ALG14: variants seen among roughly 807,000 people sequenced by gnomAD.
ALG14 encodes ALG14 UDP-N-acetylglucosaminyltransferase subunit, also known as UDP-N-acetylglucosamine transferase subunit ALG14.
Under a neutral mutation model 22.8 loss-of-function variants are expected in ALG14, and 17 were observed. The ratio of observed to expected loss-of-function variants is 0.75; its 90% CI spans 0.51 to 1.12. The LOEUF (loss-of-function observed/expected upper bound fraction) is 1.12. ALG14 is among the 50% of genes most tolerant of loss of function. The pLI is 0.00. For missense variants in ALG14, 288 were observed against 271.8 expected, an observed-to-expected ratio of 1.06 and a Z score of -0.42; for synonymous variants, 89 against 103.7, an observed-to-expected ratio of 0.86 and a Z score of 0.86.
chr1:95,017,678 A>G (rs1673542759), intron 3 of ALG14, among the ~76,000 whole-genome samples: 2 of 152,212 alleles, frequency 1.3e-5, no homozygotes, highest in Admixed American at 1.3e-4. Flanking sequence ...GGGCCATAGA[A>G]GGGCAACCAC....
In ALG14 at chr1:94,982,897, TTTCA is replaced by T; in HGVS notation, c.*175_*178del. On this transcript the variant is annotated 3_prime_UTR_variant, in exon 4 of 4. Coordinates refer to ENST00000370205, the MANE Select transcript of ALG14 (RefSeq NM_144988.4). Reference sequence around the variant, plus strand: ...TAGTAGTTACGTTTATCAATGTTTGTTTCATAAGAGAAGCCTCAGTTTCTTCACT... The same window carrying T: ...TAGTAGTTACGTTTATCAATGTTTGTTAAGAGAAGCCTCAGTTTCTTCACT... 1 of 600,280 alleles carries T rather than the reference TTTCA, an allele frequency of 1.7e-6. No homozygotes were observed. The allele number at this position is 600,280 out of a possible 1,614,324, so 37.2% of individuals were successfully genotyped here. A position where few individuals can be genotyped will look rare whatever the true frequency, so the allele number is the denominator to read the frequency against.
At chr1:95,063,774 T>C (rs536520139) in intron 2 of ALG14, among the ~76,000 whole-genome samples, 33 of 152,220 alleles carry the variant, frequency 2.2e-4, no homozygotes, top group Non-Finnish European at 4.7e-4. Context: ...GGCTCCTTTT[T>C]GGTTCCATAT....
chr1:95,069,821 C>G (rs1675501831), intron 1 of ALG14, among the ~76,000 whole-genome samples: 1 of 152,170 alleles, frequency 6.6e-6, no homozygotes, highest in South Asian at 2.1e-4. Context: ...AAACCAAGAA[C>G]TCCTTCTCCC....
intron 2 of ALG14, among the ~76,000 whole-genome samples, chr1:95,046,132 T>C (rs1186879425): frequency 6.6e-6 from 1 of 152,098 alleles, no homozygotes; most frequent in Non-Finnish European, 1.5e-5. Context: ...TAGTTTGGAA[T>C]ATCTATTACA....
chr1:95,051,967 C>T lies in ALG14; in HGVS notation c.288+12899G>A, dbSNP rs533692884. On this transcript the variant is annotated intron_variant, in intron 2 of 3. Coordinates refer to ENST00000370205, the MANE Select transcript of ALG14 (RefSeq NM_144988.4). Reference sequence around the variant, plus strand: ...TACCTAATTATCTGGTTTATTATCCCGCCACTAGAATGTAGCCTCCATAAG... The same window carrying T: ...TACCTAATTATCTGGTTTATTATCCTGCCACTAGAATGTAGCCTCCATAAG... Among the ~76,000 whole-genome samples the T allele has an allele frequency of 6.6e-5, 10 of 152,248 alleles. No homozygotes were observed. The East Asian group carries it at 1.3e-3, about 21-fold the overall frequency.
intron 3 of ALG14, among the ~76,000 whole-genome samples, chr1:95,020,781 G>A (rs1173886337): frequency 6.6e-6 from 1 of 151,780 alleles, no homozygotes; most frequent in Non-Finnish European, 1.5e-5. Context: ...AACTCTAAGT[G>A]GTTCTACAAC....
intron 2 of ALG14, among the ~76,000 whole-genome samples, chr1:95,041,763 C>T (rs1674388276): frequency 6.6e-6 from 1 of 152,148 alleles, no homozygotes; most frequent in African/African-American, 2.4e-5. Context: ...GTTAGCACCC[C>T]ACCTTGTGGA....
intron 3 of ALG14, among the ~76,000 whole-genome samples, chr1:95,024,262 C>T (rs1463089745): frequency 6.6e-6 from 1 of 152,138 alleles, no homozygotes; most frequent in Non-Finnish European, 1.5e-5. Flanking sequence ...TAGGCATGAG[C>T]GACCGCGCCC....
intron 2 of ALG14, among the ~76,000 whole-genome samples, chr1:95,050,555 A>C (rs941990602): frequency 2.0e-5 from 3 of 152,236 alleles, no homozygotes; most frequent in Non-Finnish European, 2.9e-5. Context: ...ACAAAAATAC[A>C]ATTTAATCTG....
chr1:95,016,493 C>A (rs898875446), intron 3 of ALG14, among the ~76,000 whole-genome samples: 1 of 152,062 alleles, frequency 6.6e-6, no homozygotes, highest in African/African-American at 2.4e-5. Context: ...AGGGAATATG[C>A]AGACACATGC....
intron 3 of ALG14, among the ~76,000 whole-genome samples, chr1:95,006,340 G>A (rs1024737511): frequency 6.6e-6 from 1 of 151,912 alleles, no homozygotes; most frequent in Admixed American, 6.6e-5. Flanking sequence ...TTATATATAG[G>A]TAGGTTCCAT....
intron 1 of ALG14, chr1:95,067,583 T>C (rs1675417564): frequency 6.6e-6 from 1 of 151,926 alleles, no homozygotes; most frequent in African/African-American, 2.4e-5. Context: ...TATTGATACA[T>C]TTTTTTTGAG....
intron 2 of ALG14, among the ~76,000 whole-genome samples, chr1:95,063,145 G>A (rs1675226197): frequency 6.6e-6 from 1 of 151,732 alleles, no homozygotes; most frequent in Non-Finnish European, 1.5e-5. Flanking sequence ...TTTAATAACA[G>A]TTTTTTTCTT....
rs1014109505 is a variant in ALG14, at chr1:95,020,082, G to T, written c.420+7047C>A. Among the ~76,000 whole-genome samples the T allele has an allele frequency of 3.3e-5, 5 of 151,902 alleles. 1 individual carries two copies. Among genetic ancestry groups the T allele is most frequent in the Non-Finnish European group, 7.4e-5 (5 of 67,996 alleles). On this transcript the variant is annotated intron_variant, in intron 3 of 3. Transcript: ENST00000370205. ...AAAATACAAAAGTTAGCTGGGTGTG[G>T]TGTCATGCGTCTATAATCCCGCTAC...
chr1:95,012,534 G>A (rs1673395344), intron 3 of ALG14, among the ~76,000 whole-genome samples: 1 of 152,202 alleles, frequency 6.6e-6, no homozygotes, highest in South Asian at 2.1e-4. Flanking sequence ...CTTCACATCT[G>A]CTACTGAGAA....
At chr1:95,003,356 CAG>C (rs1386647120) in intron 3 of ALG14, among the ~76,000 whole-genome samples, 3 of 151,834 alleles carry the variant, frequency 2.0e-5, no homozygotes, top group Non-Finnish European at 2.9e-5. Flanking sequence ...GTCCAAAACA[CAG>C]GGGTTTGCAG....
chr1:95,053,281 TA>T (rs923853802), intron 2 of ALG14, among the ~76,000 whole-genome samples: 2 of 151,940 alleles, frequency 1.3e-5, no homozygotes, highest in African/African-American at 4.8e-5. Flanking sequence ...GATTTTTTTT[TA>T]AAAAAAGCAT....
At chr1:94,992,621 C>T (rs1005734047) in intron 3 of ALG14, among the ~76,000 whole-genome samples, 3 of 152,072 alleles carry the variant, frequency 2.0e-5, no homozygotes, top group African/African-American at 7.2e-5. Context: ...CAGGGTGAAA[C>T]TGTATCTCAG....
At chr1:95,043,051 G>A (rs1674432246) in intron 2 of ALG14, among the ~76,000 whole-genome samples, 1 of 151,966 alleles carries the variant, frequency 6.6e-6, no homozygotes, top group Non-Finnish European at 1.5e-5. Flanking sequence ...AATAGCCAAG[G>A]GGTTTTTTTT....
Sources: allele counts gnomAD v4.1 joint callset (sites outside exome capture counted in the v4.1 genomes callset), GRCh38; gene constraint gnomAD v4.1.1; transcripts MANE v1.5; gene names NCBI Gene and HGNC (gene_info 2026-07-23, HGNC 2026-07-21).